GMIP: variants seen among roughly 807,000 people sequenced by gnomAD.
GMIP encodes GEM interacting protein, also known as GEM-interacting protein.
A neutral mutation model predicts 105.3 loss-of-function variants in GMIP; 54 were observed. The ratio of observed to expected loss-of-function variants is 0.51; its 90% CI spans 0.41 to 0.64. GMIP has a LOEUF of 0.64. Ranked by LOEUF, GMIP falls within the 30% of genes least tolerant of loss-of-function variation. The pLI, the probability that GMIP is intolerant of heterozygous loss-of-function variation, is 0.00. For synonymous variants in GMIP, 541 were observed against 560.8 expected (o/e 0.96, Z 0.50); for missense variants, 1,110 against 1,319.4 (o/e 0.84, Z 2.46).
rs2061825543 is a variant in GMIP at position 19,634,141 on chromosome 19, T to C, written c.2134A>G (p.Ile712Val). 4 of 1,609,234 alleles carry C rather than the reference T, an allele frequency of 2.5e-6. No homozygotes were observed. Among genetic ancestry groups the C allele is most frequent in the Non-Finnish European group, 3.4e-6 (4 of 1,177,146 alleles). The change falls in exon 19 of 21, where the codon ATT (isoleucine) becomes GTT (valine). Residue 712 changes from isoleucine (I) to valine (V), a missense_variant. This residue lies in a region of GMIP where 394 missense variants were observed against 450.5 expected (regional missense o/e 0.87). Coordinates refer to ENST00000203556, the MANE Select transcript of GMIP (RefSeq NM_016573.4). The surrounding 1 kb of genome is among the most constrained non-coding windows in gnomAD (Gnocchi z 6.1). The stretch of plus-strand genomic sequence containing the variant: ...CGCAGCAGTGTCGGCCCAAACACAA[T>C]GCCCAGGTTGTTGGCAGACATCTTG... ...ENKMSANNLG[I>V]VFGPTLLRPP...
At position 19,635,010 on chromosome 19, in the gene GMIP, G is replaced by C; in HGVS notation, c.1749+15C>G. Reference sequence around the variant, plus strand: ...TCAGGTCACTTCTGGGGATGATGAAGGGTCAGGGCAGCACCTGCACATCCA... The same window carrying C: ...TCAGGTCACTTCTGGGGATGATGAACGGTCAGGGCAGCACCTGCACATCCA... On this transcript the variant is annotated intron_variant, in intron 16 of 20. Coordinates refer to ENST00000203556, the MANE Select transcript of GMIP (RefSeq NM_016573.4). The surrounding 1 kb of genome is among the most constrained non-coding windows in gnomAD (Gnocchi z 4.7). 3.1e-6 allele frequency: 5 copies of C among 1,613,292 alleles called. No individual in the cohort carries two copies. Among genetic ancestry groups the C allele is most frequent in the Non-Finnish European group, 4.2e-6 (5 of 1,179,418 alleles).
Position 19,638,267 on chromosome 19 carries a change from C to A in GMIP, c.681G>T (p.Leu227=). 6.2e-7 allele frequency: 1 copy of A among 1,607,426 alleles called. No homozygotes were observed. The highest frequency in any genetic ancestry group is 8.5e-7 in the Non-Finnish European group (1 of 1,179,682). ...CAGGGGACCCCTGGGAGCGTGCCCG[C>A]AGGTCCTCGCTGCGTTGCACATACT... is the stretch of plus-strand genomic sequence containing the variant. ...QLQYVQRSED[L]RARSQGSPED... Residue 227 remains leucine (L), a synonymous_variant, in exon 9 of 21, where the codon CTG becomes CTT. Transcript: ENST00000203556.
intron 7 of GMIP, 52 bp downstream of exon 7, chr19:19,640,033 G>T: frequency 1.9e-6 from 2 of 1,038,416 alleles, no homozygotes; most frequent in Non-Finnish European, 3.0e-6. Flanking sequence ...AGGCCTGAAG[G>T]ACAGCAGGAT....
At position 19,629,844 on chromosome 19, in the gene GMIP, G is replaced by A. The variant is rs572207058; in HGVS notation, c.*119C>T. The A allele has an allele frequency of 7.1e-5, 71 of 1,000,532 alleles. No individual in the cohort carries two copies. In the East Asian group the frequency reaches 8.6e-4, roughly 12 times the overall value. The allele number at this position is 1,000,532 out of a possible 1,614,324, so 62.0% of individuals were successfully genotyped here. A position where few individuals can be genotyped will look rare whatever the true frequency, so the allele number is the denominator to read the frequency against. ...TAGTTTTTCCTTATAGGAACCCTCT[G>A]GACCTCTCCCAGCATTGAACTCCTG... On this transcript the variant is annotated 3_prime_UTR_variant, in exon 21 of 21. Transcript: ENST00000203556.
In GMIP at chr19:19,638,288, A is replaced by G; in HGVS notation, c.660T>C (p.Tyr220=). 1.9e-6 allele frequency: 3 copies of G among 1,611,714 alleles called. No homozygotes were observed. The highest frequency in any genetic ancestry group is 2.2e-5 in the East Asian group (1 of 44,874). Residue 220 remains tyrosine (Y), a synonymous_variant, in exon 9 of 21, where the codon TAT becomes TAC. Transcript: ENST00000203556. ...VQALRRAQLQ[Y]VQRSEDLRAR... is the part of the protein sequence containing the mutation. The stretch of plus-strand genomic sequence containing the variant: ...CCCGCAGGTCCTCGCTGCGTTGCAC[A>G]TACTGCAGCTGGGCGCGCCGCAGTG...
chr19:19,633,736 A>C, intron 19 of GMIP, 67 bp downstream of exon 19: 1 of 1,146,596 alleles, frequency 8.7e-7, no homozygotes, highest in Non-Finnish European at 1.2e-6. Context: ...GGAAGGTGAA[A>C]GAGAAGGTAA....
At position 19,637,808 on chromosome 19, in the gene GMIP, A is replaced by T; in HGVS notation, c.927+112T>A. Reference sequence around the variant, plus strand: ...GTCTGGGGGCGGGAACTGGCTGTCGAGGGAAATGGCCTAGTCCTGGTGTCT... The same window carrying T: ...GTCTGGGGGCGGGAACTGGCTGTCGTGGGAAATGGCCTAGTCCTGGTGTCT... On this transcript the variant is annotated intron_variant, in intron 10 of 20. Transcript: ENST00000203556. The surrounding 1 kb of genome is among the most constrained non-coding windows in gnomAD (Gnocchi z 6.7). 1 of 1,202,958 alleles carries T rather than the reference A, an allele frequency of 8.3e-7. No homozygotes were observed. Among genetic ancestry groups the T allele is most frequent in the South Asian group, 1.5e-5 (1 of 68,528 alleles). 74.5% of individuals were successfully genotyped at this position (1,202,958 alleles called of 1,614,324 possible).
Position 19,638,226 on chromosome 19 carries a change from TG to T in GMIP, c.721del (p.Gln241ArgfsTer67). ...SQGSPEDSAPQASPGPSKQQE... is the reference protein window; with the variant it reads ...SQGSPEDSAPXASPGPSKQQE... ...CTGCTTGCTAGGTCCCGGCGAGGCC[TG>T]GGGGGCCGAGTCCTCAGGGGACCCC... On this transcript the variant is annotated frameshift_variant, in exon 9 of 21. Coordinates refer to ENST00000203556, the MANE Select transcript of GMIP (RefSeq NM_016573.4). LOFTEE classifies it high-confidence loss of function. 1.2e-6 allele frequency: 2 copies of T among 1,600,202 alleles called. No individual in the cohort carries two copies. Among genetic ancestry groups the T allele is most frequent in the Non-Finnish European group, 8.5e-7 (1 of 1,178,648 alleles).
At chr19:19,640,408 C>G in intron 5 of GMIP, 38 bp downstream of exon 5, 1 of 1,614,090 alleles carries the variant, frequency 6.2e-7, no homozygotes, top group Non-Finnish European at 8.5e-7. Flanking sequence ...GGTCTGGGGA[C>G]TGCCTGGTAA....
At position 19,639,461 on chromosome 19, in the gene GMIP, A is replaced by T. The variant is rs191057642; in HGVS notation, c.537+624T>A. 3.1e-4 allele frequency among the ~76,000 whole-genome samples: 47 copies of T among 152,038 alleles called. No homozygotes were observed. In the East Asian group the frequency reaches 8.9e-3, roughly 29 times the overall value. On this transcript the variant is annotated intron_variant, in intron 7 of 20. Coordinates refer to ENST00000203556, the MANE Select transcript of GMIP (RefSeq NM_016573.4). ...CCCGACCCCTGAGTCCAGAAGTCTC[A>T]TGTAGTCACCCCATCCTTTCTGCTT...
chr19:19,643,541 G>A lies in GMIP; in HGVS notation c.-12C>T. ...TCTGCTGCGTCCATATCTGGGCCCG[G>A]GGATCGCTCTGCAGGGACCGGGATG... On this transcript the variant is annotated 5_prime_UTR_variant, in exon 1 of 21. Transcript: ENST00000203556. The A allele has an allele frequency of 6.5e-7, 1 of 1,547,284 alleles. No homozygotes were observed. The highest frequency in any genetic ancestry group is 8.7e-7 in the Non-Finnish European group (1 of 1,145,102).
At position 19,635,538 on chromosome 19, in the gene GMIP, G is replaced by A. The variant is rs2061845125; in HGVS notation, c.1437C>T (p.Gly479=). 6.2e-7 allele frequency: 1 copy of A among 1,613,560 alleles called. No individual in the cohort carries two copies. Among genetic ancestry groups the A allele is most frequent in the African/African-American group, 1.3e-5 (1 of 74,910 alleles). Residue 479 remains glycine, a synonymous_variant, in exon 15 of 21, where the codon GGC becomes GGT. Coordinates refer to ENST00000203556, the MANE Select transcript of GMIP (RefSeq NM_016573.4). This position sits in a 1 kb window ranked among gnomAD's most constrained non-coding sequence, Gnocchi z 4.7. ...DLGDGLENGL[G]SPFGKWTLSS... ...ACAGTGTCCACTTCCCGAAGGGGCT[G>A]CCCAGCCCATTCTCCAGCCCGTCTC... is the stretch of plus-strand genomic sequence containing the variant.
In GMIP at chr19:19,635,507, C is replaced by T. The variant is rs771507788; in HGVS notation, c.1468G>A (p.Ala490Thr). The change falls in exon 15 of 21, where the codon GCG (alanine) becomes ACG (threonine). Residue 490 changes from alanine to threonine, a missense_variant. Physicochemically the swap from Ala to Thr is moderately conservative, Grantham distance 58. Coordinates refer to ENST00000203556, the MANE Select transcript of GMIP (RefSeq NM_016573.4). The surrounding 1 kb of genome is among the most constrained non-coding windows in gnomAD (Gnocchi z 4.7). ...CGCCGCAGCTGGTGGGTCTGAGCCG[C>T]GCTGGACAGTGTCCACTTCCCGAAG... ...SPFGKWTLSS[A>T]AQTHQLRRLR... The T allele has an allele frequency of 8.1e-6, 13 of 1,612,560 alleles. No homozygotes were observed. The highest frequency in any genetic ancestry group is 1.1e-5 in the Non-Finnish European group (13 of 1,180,016).
intron 13 of GMIP, among the ~76,000 whole-genome samples, chr19:19,636,081 G>C (rs1208898446): frequency 6.6e-6 from 1 of 151,960 alleles, no homozygotes; most frequent in African/African-American, 2.4e-5. Flanking sequence ...GCAGGCACCT[G>C]TAGTCCCAGC....
At chr19:19,638,107 TGGA>T (rs1462836470) in intron 9 of GMIP, 49 bp downstream of exon 9, 2 of 1,552,796 alleles carry the variant, frequency 1.3e-6, no homozygotes, top group African/African-American at 2.7e-5. Context: ...TGGGCGAGAG[TGGA>T]GGGCAGGGGG....
At position 19,635,922 on chromosome 19, in the gene GMIP, G is replaced by A. The variant is rs1385685787; in HGVS notation, c.1328-201C>T. Among the ~76,000 whole-genome samples, 1 of 152,184 alleles carries A rather than the reference G, an allele frequency of 6.6e-6. No homozygotes were observed. Among genetic ancestry groups the A allele is most frequent in the Non-Finnish European group, 1.5e-5 (1 of 68,032 alleles). On this transcript the variant is annotated intron_variant, in intron 13 of 20. Coordinates refer to ENST00000203556, the MANE Select transcript of GMIP (RefSeq NM_016573.4). This position sits in a 1 kb window ranked among gnomAD's most constrained non-coding sequence, Gnocchi z 4.7. ...GCTGGATCAAGAGGTTGAGGAAATA[G>A]GCCGGGCGCAGTGGCTCACACCTGT...
chr19:19,640,600 T>C, intron 4 of GMIP, 29 bp from the exon 5 acceptor site: 4 of 1,613,132 alleles, frequency 2.5e-6, no homozygotes, highest in East Asian at 2.2e-5. Flanking sequence ...CCTCTGACCT[T>C]TGCACCCTAG....
Position 19,630,113 on chromosome 19 carries a change from C to A in GMIP, c.2763G>T (p.Glu921Asp). 6.2e-7 allele frequency: 1 copy of A among 1,608,756 alleles called. No individual in the cohort carries two copies. The highest frequency in any genetic ancestry group is 2.2e-5 in the East Asian group (1 of 44,760). The change falls in exon 21 of 21, where the codon GAG becomes GAT. Residue 921 changes from glutamate to aspartate, a missense_variant. Physicochemically the swap from Glu to Asp is conservative, Grantham distance 45. Transcript: ENST00000203556. This position sits in a 1 kb window ranked among gnomAD's most constrained non-coding sequence, Gnocchi z 4.8. ...GCGGGGTGCGGCGCAGGGGGCTGCC[C>A]TCAGGGGAGGCAGCTGCAGGGCTGG... is the stretch of plus-strand genomic sequence containing the variant. Reference protein sequence around the residue: ...RGPSPAAASPEGSPLRRTPLP... With the variant: ...RGPSPAAASPDGSPLRRTPLP...
Position 19,636,737 on chromosome 19 carries a change from G to C in GMIP, c.1297C>G (p.Arg433Gly). 6.2e-7 allele frequency: 1 copy of C among 1,613,616 alleles called. No individual in the cohort carries two copies. The highest frequency in any genetic ancestry group is 8.5e-7 in the Non-Finnish European group (1 of 1,179,812). The change falls in exon 13 of 21, where the codon CGG becomes GGG. Residue 433 changes from arginine (R) to glycine (G), a missense_variant. Physicochemically the swap from Arg to Gly is moderately radical, Grantham distance 125. Coordinates refer to ENST00000203556, the MANE Select transcript of GMIP (RefSeq NM_016573.4). ...CTGGAAGTGGGTGAGTCCAGGGACC[G>C]AGACTCGCTGCCGCCACCCACGCTG... ...VDSVGGGSES[R>G]SLDSPTSSPG... is the part of the protein sequence containing the mutation.
Sources: gnomAD v4.1 joint callset for allele counts (sites outside exome capture counted in the v4.1 genomes callset) on GRCh38, gnomAD v4.1.1 for gene constraint, gnomAD v4.1.1 regional missense constraint, Gnocchi (gnomAD v3.1) non-coding constraint, MANE v1.5 for transcripts, NCBI Gene and HGNC (gene_info 2026-07-23, HGNC 2026-07-21) for gene names.